The following GFRA2 variants were observed in gnomAD, a reference collection of about 807,000 sequenced individuals.
GFRA2 encodes the protein GDNF family receptor alpha 2, also known as GDNF family receptor alpha-2.
GFRA2 carries 17 observed loss-of-function variants against 48.3 expected under a neutral mutation model. The ratio of observed to expected loss-of-function variants is 0.35; its 90% CI spans 0.24 to 0.53. GFRA2 has a LOEUF of 0.53. GFRA2 is among the 20% of genes least tolerant of loss of function. GFRA2 has a pLI of 0.93. For synonymous variants in GFRA2, 305 were observed against 257.2 expected (o/e 1.19, Z -1.78); for missense variants, 660 against 637.3 (o/e 1.04, Z -0.38).
chr8:21,725,775 T>C (rs1026066766), intron 4 of GFRA2, among the ~76,000 whole-genome samples: 1 of 152,210 alleles, frequency 6.6e-6, no homozygotes, highest in African/African-American at 2.4e-5. Flanking sequence ...CCCAGGTCTC[T>C]CTGCAGTGCA....
intron 1 of GFRA2, chr8:21,784,239 A>T (rs1347058590): frequency 2.2e-6 from 1 of 454,094 alleles, no homozygotes; most frequent in Non-Finnish European, 4.4e-6. Flanking sequence ...AGACACAGAC[A>T]TCGTCTTCCC....
At chr8:21,705,849 C>A (rs1585233000) in intron 5 of GFRA2, 83 bp downstream of exon 5, 2 of 877,448 alleles carry the variant, frequency 2.3e-6, no homozygotes, top group East Asian at 2.7e-5. Flanking sequence ...CCCCAGCTGG[C>A]CCTGAGCTGG....
intron 3 of GFRA2, among the ~76,000 whole-genome samples, chr8:21,753,770 T>A (rs1489028186): frequency 6.6e-6 from 1 of 152,254 alleles, no homozygotes; most frequent in Non-Finnish European, 1.5e-5. Context: ...TTTTTGTGAT[T>A]ACAAGCAAAT....
At chr8:21,714,165 T>C (rs1044922997) in intron 4 of GFRA2, among the ~76,000 whole-genome samples, 4 of 150,322 alleles carry the variant, frequency 2.7e-5, no homozygotes, top group Non-Finnish European at 4.4e-5. Flanking sequence ...GAGCATACTT[T>C]CCCAAATTTG....
At chr8:21,767,371 C>G (rs1193940675) in intron 3 of GFRA2, among the ~76,000 whole-genome samples, 1 of 152,208 alleles carries the variant, frequency 6.6e-6, no homozygotes, top group Non-Finnish European at 1.5e-5. Context: ...CGTACTTACA[C>G]TCTCCACACA....
At chr8:21,795,398 A>ATT (rs199591177) in intron 2 of GFRA2, among the ~76,000 whole-genome samples, 2 of 122,464 alleles carry the variant, frequency 1.6e-5, no homozygotes, top group East Asian at 4.3e-4. Flanking sequence ...TTATTTATTT[A>ATT]TTTTTTTTAT....
At chr8:21,705,841 C>A (rs1802712260) in intron 5 of GFRA2, 91 bp downstream of exon 5, 1 of 795,832 alleles carries the variant, frequency 1.3e-6, no homozygotes, top group Non-Finnish European at 2.0e-6. Flanking sequence ...GCTGTCTCCC[C>A]CAGCTGGCCC....
intron 4 of GFRA2, among the ~76,000 whole-genome samples, chr8:21,717,196 G>A (rs918202889): frequency 2.6e-5 from 4 of 152,188 alleles, no homozygotes; most frequent in East Asian, 1.9e-4. Context: ...GAGCAACTCC[G>A]AAGACAGATG....
rs559929741 is a variant in GFRA2, at chr8:21,756,839, C to T, written c.440-5897G>A. Among the ~76,000 whole-genome samples the T allele has an allele frequency of 7.9e-5, 12 of 152,270 alleles. No individual in the cohort carries two copies. In the South Asian group the frequency reaches 2.1e-3, roughly 26 times the overall value. The stretch of plus-strand genomic sequence containing the variant: ...ACCACACAAGACCTGAGAGATATTC[C>T]GGAGCTAGAAATTGATCCCAGTCCT... On this transcript the variant is annotated intron_variant, in intron 3 of 8. Coordinates refer to ENST00000524240, the MANE Select transcript of GFRA2 (RefSeq NM_001495.5).
rs956275776 is a variant in GFRA2, at chr8:21,703,040, G to C, written c.1046-63C>G. The C allele has an allele frequency of 2.8e-6, 3 of 1,061,546 alleles. No homozygotes were observed. In the African/African-American group the frequency reaches 5.0e-5, roughly 18 times the overall value. The allele number at this position is 1,061,546 out of a possible 1,614,324, so 65.8% of individuals were successfully genotyped here. A position where few individuals can be genotyped will look rare whatever the true frequency, so the allele number is the denominator to read the frequency against. The stretch of plus-strand genomic sequence containing the variant: ...ACCCACGTCCGTCACTCCTGTCCCT[G>C]CTCCTCACACTCTTCACCCTGACCA... On this transcript the variant is annotated intron_variant, in intron 6 of 8. Coordinates refer to ENST00000524240, the MANE Select transcript of GFRA2 (RefSeq NM_001495.5).
At chr8:21,758,671 G>A (rs1012240235) in intron 3 of GFRA2, among the ~76,000 whole-genome samples, 1 of 152,166 alleles carries the variant, frequency 6.6e-6, no homozygotes, top group African/African-American at 2.4e-5. Flanking sequence ...TTACCTGAAT[G>A]ATGACGGGTT....
At chr8:21,784,793 C>T (rs965156632) in intron 1 of GFRA2, among the ~76,000 whole-genome samples, 2 of 152,146 alleles carry the variant, frequency 1.3e-5, no homozygotes, top group Admixed American at 6.5e-5. Context: ...GAAATCAGAC[C>T]GGAGTTTGAG....
intron 1 of GFRA2, among the ~76,000 whole-genome samples, chr8:21,787,260 C>CG (rs1392852698): frequency 0.03 from 1,790 of 60,008 alleles, 57 homozygotes; most frequent in East Asian, 0.13. Flanking sequence ...GTCTTGGAGG[C>CG]GGCGGGGGGG....
At chr8:21,760,921 C>T (rs1333510729) in intron 3 of GFRA2, among the ~76,000 whole-genome samples, 2 of 152,134 alleles carry the variant, frequency 1.3e-5, no homozygotes, top group African/African-American at 4.8e-5. Flanking sequence ...AACTGACACC[C>T]CCCCAAATAC....
intron 2 of GFRA2, among the ~76,000 whole-genome samples, chr8:21,776,880 T>C (rs939933418): frequency 6.6e-6 from 1 of 152,206 alleles, no homozygotes; most frequent in Non-Finnish European, 1.5e-5. Context: ...ACTGGCACTT[T>C]AGACTCTCTT....
At chr8:21,790,155 G>C (rs1807524956), upstream of GFRA2, 1 of 941,518 alleles carries the variant, frequency 1.1e-6, no homozygotes, top group East Asian at 1.2e-4. Context: ...TGGAGGAGAG[G>C]TGCGGCTGCG....
intron 7 of GFRA2, among the ~76,000 whole-genome samples, chr8:21,701,429 T>C (rs1310769050): frequency 6.6e-6 from 1 of 152,086 alleles, no homozygotes; most frequent in East Asian, 1.9e-4. Context: ...ACATTGTAAT[T>C]AAAACTGAAT....
At chr8:21,707,336 G>A (rs532729372) in intron 4 of GFRA2, among the ~76,000 whole-genome samples, 1 of 152,298 alleles carries the variant, frequency 6.6e-6, no homozygotes, top group Non-Finnish European at 1.5e-5. Flanking sequence ...TGTCCCATTT[G>A]GGAAAGGAAC....
intron 4 of GFRA2, among the ~76,000 whole-genome samples, chr8:21,731,603 T>C (rs756819091): frequency 2.6e-5 from 4 of 152,206 alleles, no homozygotes; most frequent in East Asian, 3.9e-4. Context: ...TCAAAACAGA[T>C]CATGAACTCC....
Sources: gnomAD v4.1 joint callset for allele counts (sites outside exome capture counted in the v4.1 genomes callset) on GRCh38, gnomAD v4.1.1 for gene constraint, MANE v1.5 for transcripts, NCBI Gene and HGNC (gene_info 2026-07-23, HGNC 2026-07-21) for gene names.